Variants in AEBP2 observed in about 807,000 individuals in gnomAD.
AEBP2 encodes zinc finger protein AEBP2.
AEBP2 carries 10 observed loss-of-function variants against 50.8 expected under a neutral mutation model. The ratio of observed to expected loss-of-function variants is 0.20; its 90% CI spans 0.12 to 0.33. AEBP2 has a LOEUF of 0.33. Among genes scored for constraint, AEBP2 ranks in the 10% least tolerant of loss-of-function variants. The probability of loss-of-function intolerance (pLI) is 1.00; values close to 1 mark genes in which losing one functional copy is unlikely to be tolerated. For missense variants in AEBP2, 570 were observed against 688.0 expected (o/e 0.83, Z 1.92); for synonymous variants, 296 against 261.3 (o/e 1.13, Z -1.28).
intron 5 of AEBP2, among the ~76,000 whole-genome samples, chr12:19,501,043 A>T (rs1949065228): frequency 6.6e-6 from 1 of 152,172 alleles, no homozygotes; most frequent in Non-Finnish European, 1.5e-5. Flanking sequence ...GGCTGACAAA[A>T]TACAGGCCGG....
At chr12:19,504,922 T>C (rs1949134273) in intron 5 of AEBP2, among the ~76,000 whole-genome samples, 1 of 151,940 alleles carries the variant, frequency 6.6e-6, no homozygotes, top group South Asian at 2.1e-4. Flanking sequence ...AAATTTGGAG[T>C]CAAAGGCAAG....
At chr12:19,497,612 A>G (rs1949006296) in intron 4 of AEBP2, among the ~76,000 whole-genome samples, 1 of 151,968 alleles carries the variant, frequency 6.6e-6, no homozygotes, top group African/African-American at 2.4e-5. Context: ...AGCTGGGACT[A>G]CCGGCACACA....
chr12:19,443,566 C>CA (rs1948002322), intron 1 of AEBP2, among the ~76,000 whole-genome samples: 1 of 151,546 alleles, frequency 6.6e-6, no homozygotes, highest in African/African-American at 2.4e-5. Context: ...ACTAAAAATA[C>CA]AAAAAAATGA....
intron 3 of AEBP2, among the ~76,000 whole-genome samples, chr12:19,477,621 C>T (rs1948668385): frequency 6.6e-6 from 1 of 152,124 alleles, no homozygotes; most frequent in African/African-American, 2.4e-5. Flanking sequence ...TCTCTGCATC[C>T]ATGGTATGAA....
intron 5 of AEBP2, among the ~76,000 whole-genome samples, chr12:19,501,715 G>A (rs1413007321): frequency 2.1e-4 from 31 of 147,858 alleles, no homozygotes; most frequent in Non-Finnish European, 4.5e-5. Flanking sequence ...CATGAAAATT[G>A]AAATACAAAA....
At position 19,439,686 on chromosome 12, in the gene AEBP2, G is replaced by C. The variant is rs1592713807; in HGVS notation, c.-14G>C. On this transcript the variant is annotated 5_prime_UTR_variant, in exon 1 of 8. Coordinates refer to ENST00000266508, the MANE Select transcript of AEBP2 (RefSeq NM_153207.5). ...CGGTGGGGAGGAGGAGGAGGAGGAG[G>C]AGCAGGCGCCGCCATGGCCGCCGCT... 1 of 1,493,224 alleles carries C rather than the reference G, an allele frequency of 6.7e-7. No individual in the cohort carries two copies. Among genetic ancestry groups the C allele is most frequent in the Non-Finnish European group, 8.9e-7 (1 of 1,121,278 alleles). 92.5% of individuals were successfully genotyped at this position (1,493,224 alleles called of 1,614,324 possible).
At chr12:19,440,768 C>G (rs1280456601) in intron 1 of AEBP2, 2 of 1,533,136 alleles carry the variant, frequency 1.3e-6, no homozygotes, top group African/African-American at 1.4e-5. Context: ...CTTGTCAGAA[C>G]TACAATTGAC....
At chr12:19,515,367 A>G (rs1289140663) in intron 7 of AEBP2, among the ~76,000 whole-genome samples, 2 of 152,198 alleles carry the variant, frequency 1.3e-5, no homozygotes, top group Non-Finnish European at 2.9e-5. Context: ...CTTTGCGTAT[A>G]CGTCATCCTC....
chr12:19,515,527 A>T (rs998012116), intron 7 of AEBP2, among the ~76,000 whole-genome samples: 2 of 152,228 alleles, frequency 1.3e-5, no homozygotes, highest in African/African-American at 4.8e-5. Context: ...GAGAGTGATT[A>T]AAAAAGTGGT....
chr12:19,475,252 A>G (rs1414276376), intron 3 of AEBP2, among the ~76,000 whole-genome samples: 1 of 124,980 alleles, frequency 8.0e-6, no homozygotes, highest in Non-Finnish European at 1.6e-5. Context: ...CCTAGTCCCC[A>G]AAGTCTATTA....
chr12:19,418,042 G>T (rs757790204), intron 1 of AEBP2, among the ~76,000 whole-genome samples: 2 of 151,910 alleles, frequency 1.3e-5, no homozygotes, highest in Non-Finnish European at 2.9e-5. Flanking sequence ...TCCCCTTCCA[G>T]GCCCTCCCAA....
At chr12:19,412,193 A>T (rs186480521) in intron 1 of AEBP2, among the ~76,000 whole-genome samples, 220 of 152,346 alleles carry the variant, frequency 1.4e-3, no homozygotes, top group Non-Finnish European at 2.7e-3. Context: ...GTATCTTAAG[A>T]TTCAAAATTG....
chr12:19,440,136 G>C lies in AEBP2; in HGVS notation c.437G>C (p.Ser146Thr), dbSNP rs755760623. Reference sequence around the variant, plus strand: ...CGCTCGTTGAGCCCCGGCGCCGCCAGCAGCAGCAGCGGGGATGGGGACGGC... The same window carrying C: ...CGCTCGTTGAGCCCCGGCGCCGCCACCAGCAGCAGCGGGGATGGGGACGGC... ...ETRSLSPGAASSSSGDGDGKE... is the reference protein window; with the variant it reads ...ETRSLSPGAATSSSGDGDGKE... The change falls in exon 1 of 8, where the codon AGC (serine) becomes ACC (threonine). Residue 146 changes from serine to threonine, a missense_variant. Physicochemically the swap from Ser to Thr is moderately conservative, Grantham distance 58. Transcript: ENST00000266508. 3 of 1,495,594 alleles carry C rather than the reference G, an allele frequency of 2.0e-6. No individual in the cohort carries two copies. The highest frequency in any genetic ancestry group is 2.7e-6 in the Non-Finnish European group (3 of 1,128,562). 92.6% of individuals were successfully genotyped at this position (1,495,594 alleles called of 1,614,324 possible). A position where few individuals can be genotyped will look rare whatever the true frequency, so the allele number is the denominator to read the frequency against.
intron 3 of AEBP2, among the ~76,000 whole-genome samples, chr12:19,483,860 T>G (rs984647231): frequency 1.3e-5 from 2 of 152,122 alleles, no homozygotes; most frequent in African/African-American, 4.8e-5. Flanking sequence ...GTAGGAAAAA[T>G]CCCCTAAAAT....
At chr12:19,473,463 T>G in intron 3 of AEBP2, 108 bp downstream of exon 3, 2 of 374,714 alleles carry the variant, frequency 5.3e-6, no homozygotes, top group Non-Finnish European at 7.9e-6. Flanking sequence ...TGGAGTGCAA[T>G]GGTGCCATCT....
intron 1 of AEBP2, among the ~76,000 whole-genome samples, chr12:19,416,737 G>A (rs2153363943): frequency 6.7e-6 from 1 of 149,824 alleles, no homozygotes; most frequent in Admixed American, 6.7e-5. Flanking sequence ...AATTCTCCGG[G>A]TTCAGGATTT....
rs768744214 is a variant in AEBP2, at chr12:19,518,628, A to G, written c.*511A>G. On this transcript the variant is annotated 3_prime_UTR_variant, in exon 8 of 8. Transcript: ENST00000266508. ...TTATCAAGAGATAATTTACCTTTCAATTATGATAAATAGATGTGATTGGTT... is the reference window on the plus strand; with the variant it reads ...TTATCAAGAGATAATTTACCTTTCAGTTATGATAAATAGATGTGATTGGTT... 1.7e-4 allele frequency: 245 copies of G among 1,415,568 alleles called. 2 individuals are homozygous for G. Among genetic ancestry groups the G allele is most frequent in the South Asian group, 6.4e-4 (40 of 62,736 alleles). 87.7% of individuals were successfully genotyped at this position (1,415,568 alleles called of 1,614,324 possible).
intron 2 of AEBP2, 54 bp downstream of exon 2, chr12:19,462,771 T>G (rs1174319055): frequency 1.3e-6 from 2 of 1,482,558 alleles, no homozygotes; most frequent in Non-Finnish European, 1.8e-6. Flanking sequence ...TTTTATTAAT[T>G]TATAATTGCT....
intron 1 of AEBP2, among the ~76,000 whole-genome samples, chr12:19,423,851 A>G (rs980961094): frequency 3.3e-5 from 5 of 152,198 alleles, no homozygotes; most frequent in Admixed American, 6.5e-5. Flanking sequence ...AAAAACAAAT[A>G]AATAAATGAA....
Sources: allele counts gnomAD v4.1 joint callset (sites outside exome capture counted in the v4.1 genomes callset), GRCh38; gene constraint gnomAD v4.1.1; transcripts MANE v1.5; gene names NCBI Gene and HGNC (gene_info 2026-07-23, HGNC 2026-07-21).